DLG2: variants seen among roughly 807,000 people sequenced by gnomAD.
The protein encoded by DLG2 is discs large MAGUK scaffold protein 2, also known as disks large homolog 2.
A neutral mutation model predicts 132.5 loss-of-function variants in DLG2; 45 were observed. That is an observed-to-expected ratio of 0.34 (90% CI 0.27 to 0.44). DLG2 has a LOEUF of 0.44. Ranked by LOEUF, DLG2 falls within the 20% of genes least tolerant of loss-of-function variation. The pLI is 1.00. For missense variants in DLG2, 1,045 were observed against 1,196.9 expected (o/e 0.87, Z 1.87); for synonymous variants, 424 against 419.6 (o/e 1.01, Z -0.13).
At position 84,617,146 on chromosome 11, in the gene DLG2, C is replaced by T. The variant is rs191086985; in HGVS notation, c.358-82415G>A. Among the ~76,000 whole-genome samples the T allele has an allele frequency of 5.9e-5, 9 of 151,990 alleles. No individual in the cohort carries two copies. The South Asian group carries it at 8.3e-4, about 14-fold the overall frequency. On this transcript the variant is annotated intron_variant, in intron 6 of 27. Transcript: ENST00000376104. ...CCATTCCTCCCTTAGCCCCCCACCCCTCAACAGGCCCTGGTATGTGATGTT... is the reference window on the plus strand; with the variant it reads ...CCATTCCTCCCTTAGCCCCCCACCCTTCAACAGGCCCTGGTATGTGATGTT...
chr11:83,906,053 GTCTCTC>G (rs57799505), intron 15 of DLG2, among the ~76,000 whole-genome samples: 10,587 of 128,670 alleles, frequency 0.082, 517 homozygotes, highest in South Asian at 0.13. Flanking sequence ...CTGTCTGTCT[GTCTCTC>G]TCTCTCTCTC....
At chr11:84,831,263 G>A (rs1197464614) in intron 6 of DLG2, among the ~76,000 whole-genome samples, 2 of 151,362 alleles carry the variant, frequency 1.3e-5, no homozygotes, top group African/African-American at 2.4e-5. Flanking sequence ...ACACGTTTGG[G>A]GCATGGGTGT....
At chr11:83,491,229 G>T (rs1207818945) in intron 21 of DLG2, among the ~76,000 whole-genome samples, 5 of 149,888 alleles carry the variant, frequency 3.3e-5, no homozygotes, top group African/African-American at 1.2e-4. Flanking sequence ...GGGGCTACCT[G>T]TACCTAGAAA....
chr11:85,065,530 T>C (rs1171467555), intron 6 of DLG2, among the ~76,000 whole-genome samples: 1 of 150,854 alleles, frequency 6.6e-6, no homozygotes, highest in African/African-American at 2.4e-5. Context: ...ACAATCTACA[T>C]ATCCAGCTTT....
At chr11:84,094,931 G>T (rs574329806) in intron 10 of DLG2, among the ~76,000 whole-genome samples, 14 of 151,900 alleles carry the variant, frequency 9.2e-5, no homozygotes, top group South Asian at 4.2e-4. Context: ...ATTTATAGGG[G>T]TTTTTTTTAA....
At chr11:84,103,449 G>C (rs999888424) in intron 9 of DLG2, among the ~76,000 whole-genome samples, 1 of 152,012 alleles carries the variant, frequency 6.6e-6, no homozygotes, top group Non-Finnish European at 1.5e-5. Flanking sequence ...CTAATTAACC[G>C]AGTGTTGATC....
chr11:84,365,268 C>T (rs1281148618), intron 7 of DLG2, among the ~76,000 whole-genome samples: 1 of 152,130 alleles, frequency 6.6e-6, no homozygotes, highest in African/African-American at 2.4e-5. Flanking sequence ...GGAATTTATC[C>T]ATTTCTTCTA....
chr11:84,791,438 T>C (rs1237751580), intron 6 of DLG2, among the ~76,000 whole-genome samples: 2 of 152,216 alleles, frequency 1.3e-5, no homozygotes, highest in African/African-American at 4.8e-5. Flanking sequence ...CTTTTGTGAT[T>C]TCATATAAAT....
Position 83,910,165 on chromosome 11 carries a change from C to G in DLG2, c.1496+20163G>C, listed in dbSNP as rs116262501. Among the ~76,000 whole-genome samples, 633 of 152,146 alleles carry G rather than the reference C, an allele frequency of 4.2e-3. 5 individuals carry two copies. Among genetic ancestry groups the G allele is most frequent in the African/African-American group, 0.015 (604 of 41,516 alleles). On this transcript the variant is annotated intron_variant, in intron 15 of 27. Coordinates refer to ENST00000376104, the MANE Select transcript of DLG2 (RefSeq NM_001142699.3). ...AAGTTGGACTGAAAAGGTGTCAAAC[C>G]TGTAGGAGAACTGCAGCTGCTGAGC...
intron 16 of DLG2, among the ~76,000 whole-genome samples, chr11:83,839,740 A>C (rs2057129198): frequency 6.6e-6 from 1 of 152,204 alleles, no homozygotes; most frequent in African/African-American, 2.4e-5. Flanking sequence ...ATATTACAGA[A>C]TATAGTTTCC....
chr11:85,219,469 T>A (rs2082862725), intron 4 of DLG2, among the ~76,000 whole-genome samples: 1 of 152,022 alleles, frequency 6.6e-6, no homozygotes, highest in Non-Finnish European at 1.5e-5. Context: ...ACATACTGCA[T>A]GATGGTCAAA....
At chr11:83,610,219 G>A (rs1435487994) in intron 19 of DLG2, among the ~76,000 whole-genome samples, 3 of 152,116 alleles carry the variant, frequency 2.0e-5, no homozygotes, top group Admixed American at 2.0e-4. Flanking sequence ...CGGACAGGAA[G>A]GGATCCCAGA....
At chr11:83,669,093 G>C (rs1247180620) in intron 18 of DLG2, among the ~76,000 whole-genome samples, 1 of 151,886 alleles carries the variant, frequency 6.6e-6, no homozygotes, top group Non-Finnish European at 1.5e-5. Flanking sequence ...TGTACTAATT[G>C]ATCTGTTTAT....
chr11:84,335,573 C>T (rs529680901), intron 7 of DLG2, among the ~76,000 whole-genome samples: 32 of 152,214 alleles, frequency 2.1e-4, no homozygotes, highest in East Asian at 5.8e-4. Context: ...CAACAGTTTA[C>T]GGGTGTTTTA....
At chr11:84,647,901 A>G (rs1418063307) in intron 6 of DLG2, among the ~76,000 whole-genome samples, 3 of 152,180 alleles carry the variant, frequency 2.0e-5, no homozygotes, top group Non-Finnish European at 1.5e-5. Flanking sequence ...TATTAATTAC[A>G]TCTACCATTT....
Position 83,965,342 on chromosome 11 carries a change from G to T in DLG2, c.1183C>A (p.Pro395Thr). The change falls in exon 13 of 28, where the codon CCA (proline) becomes ACA (threonine). Residue 395 changes from proline (P) to threonine (T), a missense_variant. Pro to Thr is a conservative substitution (Grantham distance 38, BLOSUM62 -1). Transcript: ENST00000376104. ...TACTTACAGTGAGTAATATCAGGTG[G>T]ACCATAAGGATCAGTCATATAAATG... is the stretch of plus-strand genomic sequence containing the variant. ...TTIYMTDPYG[P>T]PDITHSYSPP... is the part of the protein sequence containing the mutation. 1.2e-6 allele frequency: 2 copies of T among 1,610,162 alleles called. No individual in the cohort carries two copies. Among genetic ancestry groups the T allele is most frequent in the South Asian group, 2.2e-5 (2 of 90,642 alleles).
intron 19 of DLG2, among the ~76,000 whole-genome samples, chr11:83,581,637 G>A (rs1219176588): frequency 6.6e-6 from 1 of 152,130 alleles, no homozygotes; most frequent in Non-Finnish European, 1.5e-5. Context: ...TCCCCAGCAA[G>A]ACTTGTCCCA....
intron 6 of DLG2, among the ~76,000 whole-genome samples, chr11:84,631,356 A>G (rs2099631846): frequency 6.6e-6 from 1 of 152,176 alleles, no homozygotes; most frequent in African/African-American, 2.4e-5. Flanking sequence ...AAGACTGGTC[A>G]TAAGATAATA....
intron 10 of DLG2, among the ~76,000 whole-genome samples, chr11:84,093,201 T>C (rs531122689): frequency 6.6e-6 from 1 of 152,296 alleles, no homozygotes; most frequent in East Asian, 1.9e-4. Flanking sequence ...TGTATCAAGA[T>C]GTCAGCTGAG....
Sources: allele counts gnomAD v4.1 joint callset (sites outside exome capture counted in the v4.1 genomes callset), GRCh38; gene constraint gnomAD v4.1.1; transcripts MANE v1.5; gene names NCBI Gene and HGNC (gene_info 2026-07-23, HGNC 2026-07-21).